MYO5B: variants seen among roughly 807,000 people sequenced by gnomAD.
The protein encoded by MYO5B is unconventional myosin-Vb.
A neutral mutation model predicts 229.3 loss-of-function variants in MYO5B; 143 were observed. The ratio of observed to expected loss-of-function variants is 0.62; its 90% CI spans 0.54 to 0.72. The LOEUF (loss-of-function observed/expected upper bound fraction) is 0.72. MYO5B is among the 30% of genes least tolerant of loss of function. The probability of loss-of-function intolerance (pLI) is 0.00; values close to 1 mark genes in which losing one functional copy is unlikely to be tolerated. For missense variants in MYO5B, 2,321 were observed against 2,331.0 expected (o/e 1.00, Z 0.09); for synonymous variants, 918 against 885.2 (o/e 1.04, Z -0.66).
intron 1 of MYO5B, among the ~76,000 whole-genome samples, chr18:50,133,989 A>G (rs947545363): frequency 2.6e-5 from 4 of 152,224 alleles, no homozygotes; most frequent in Non-Finnish European, 4.4e-5. Flanking sequence ...CAATGAAAAT[A>G]AAGGTTTTTT....
At chr18:49,973,420 G>C (rs1346266295) in intron 10 of MYO5B, among the ~76,000 whole-genome samples, 2 of 152,198 alleles carry the variant, frequency 1.3e-5, no homozygotes, top group Non-Finnish European at 2.9e-5. Flanking sequence ...CTGCTAAGCA[G>C]TTGTTCGCAC....
At chr18:49,927,725 A>C (rs1180345221) in intron 17 of MYO5B, among the ~76,000 whole-genome samples, 1 of 152,216 alleles carries the variant, frequency 6.6e-6, no homozygotes, top group Non-Finnish European at 1.5e-5. Context: ...CTCATCTCTT[A>C]CTCTCTACAA....
intron 1 of MYO5B, among the ~76,000 whole-genome samples, chr18:50,096,271 G>C (rs765234348): frequency 1.2e-4 from 18 of 152,142 alleles, no homozygotes; most frequent in Non-Finnish European, 1.8e-4. Context: ...GGGAAAACAA[G>C]GATTGTGTGC....
At position 49,826,290 on chromosome 18, in the gene MYO5B, A is replaced by T; in HGVS notation, c.*181T>A. 1 of 716,220 alleles carries T rather than the reference A, an allele frequency of 1.4e-6. No homozygotes were observed. Among genetic ancestry groups the T allele is most frequent in the Non-Finnish European group, 2.3e-6 (1 of 431,050 alleles). 44.4% of individuals were successfully genotyped at this position (716,220 alleles called of 1,614,324 possible). The stretch of plus-strand genomic sequence containing the variant: ...TTCAAGTGTTTTTATTCTGAGCAGT[A>T]GGTACAAAAAATAATGACATAGTTG... On this transcript the variant is annotated 3_prime_UTR_variant, in exon 40 of 40. Transcript: ENST00000285039.
chr18:49,945,351 C>T (rs2025359777), intron 14 of MYO5B, among the ~76,000 whole-genome samples: 1 of 152,196 alleles, frequency 6.6e-6, no homozygotes, highest in South Asian at 2.1e-4. Context: ...AAACCACCTT[C>T]ACCCACTGAC....
At chr18:50,040,392 C>T (rs1281092995) in intron 2 of MYO5B, 78 bp from the exon 3 acceptor site, 10 of 1,311,400 alleles carry the variant, frequency 7.6e-6, no homozygotes, top group Non-Finnish European at 1.1e-5. Flanking sequence ...GTCTTCTTAG[C>T]TGGAATCACC....
At chr18:49,862,740 G>A (rs1320164030) in intron 29 of MYO5B, among the ~76,000 whole-genome samples, 4 of 152,134 alleles carry the variant, frequency 2.6e-5, no homozygotes, top group African/African-American at 9.7e-5. Flanking sequence ...AGACGGTGGA[G>A]GTGAAATGCT....
intron 4 of MYO5B, among the ~76,000 whole-genome samples, chr18:50,027,111 C>T (rs1380374754): frequency 6.6e-6 from 1 of 152,196 alleles, no homozygotes; most frequent in Non-Finnish European, 1.5e-5. Context: ...ACAGCATGAA[C>T]GGCATTACTA....
At chr18:49,978,169 GC>G (rs1261186288) in intron 9 of MYO5B, among the ~76,000 whole-genome samples, 2 of 151,982 alleles carry the variant, frequency 1.3e-5, no homozygotes, top group Non-Finnish European at 2.9e-5. Flanking sequence ...CCTCCCTCCT[GC>G]CCCCTTTACC....
At chr18:50,163,750 C>CAA (rs1289882561) in intron 1 of MYO5B, among the ~76,000 whole-genome samples, 1 of 152,210 alleles carries the variant, frequency 6.6e-6, no homozygotes, top group African/African-American at 2.4e-5. Context: ...CAGACTTGTT[C>CAA]AAGCTGCACC....
chr18:49,912,827 T>C lies in MYO5B; in HGVS notation c.2091-654A>G, dbSNP rs529590210. ...AACAGTCTAATATATTGCCCAAGCA[T>C]GCAGTGCTCCACTCCTCAGAAGCAG... On this transcript the variant is annotated intron_variant, in intron 17 of 39. Transcript: ENST00000285039. 2.0e-4 allele frequency among the ~76,000 whole-genome samples: 31 copies of C among 152,386 alleles called. No homozygotes were observed. In the East Asian group the frequency reaches 5.2e-3, roughly 26 times the overall value.
At chr18:49,996,648 A>C (rs966134876) in intron 5 of MYO5B, among the ~76,000 whole-genome samples, 1 of 152,258 alleles carries the variant, frequency 6.6e-6, no homozygotes, top group Non-Finnish European at 1.5e-5. Context: ...ATTTCAATGT[A>C]ATTGATTGTA....
At chr18:49,883,195 A>C (rs1187414451) in intron 22 of MYO5B, among the ~76,000 whole-genome samples, 1 of 152,224 alleles carries the variant, frequency 6.6e-6, no homozygotes, top group East Asian at 1.9e-4. Flanking sequence ...ATAGGCAAGA[A>C]AGATAAAAGC....
At chr18:50,025,992 T>G (rs2144365436) in intron 4 of MYO5B, among the ~76,000 whole-genome samples, 1 of 152,356 alleles carries the variant, frequency 6.6e-6, no homozygotes, top group South Asian at 2.1e-4. Flanking sequence ...CATATACAAA[T>G]GATATTTTAA....
chr18:49,902,190 G>A (rs1050128384), intron 21 of MYO5B, among the ~76,000 whole-genome samples: 11 of 152,122 alleles, frequency 7.2e-5, no homozygotes, highest in African/African-American at 1.9e-4. Context: ...CCATGTCTTC[G>A]TCTTCTCTGG....
chr18:50,094,796 G>C (rs1481128596), intron 1 of MYO5B, among the ~76,000 whole-genome samples: 1 of 152,028 alleles, frequency 6.6e-6, no homozygotes, highest in Non-Finnish European at 1.5e-5. Flanking sequence ...CTGAAACCAG[G>C]ATCTATTGCC....
chr18:49,992,493 G>T, intron 5 of MYO5B, 62 bp from the exon 6 acceptor site: 2 of 1,610,740 alleles, frequency 1.2e-6, no homozygotes, highest in Non-Finnish European at 1.7e-6. Flanking sequence ...TTTCAGGATT[G>T]TATGTTTGTG....
intron 17 of MYO5B, among the ~76,000 whole-genome samples, chr18:49,927,092 T>G (rs1265127548): frequency 1.3e-5 from 2 of 152,176 alleles, no homozygotes; most frequent in African/African-American, 4.8e-5. Context: ...ATGATGGTGA[T>G]GGTAGCACAA....
At chr18:50,160,239 A>G (rs1041805188) in intron 1 of MYO5B, among the ~76,000 whole-genome samples, 1 of 152,186 alleles carries the variant, frequency 6.6e-6, no homozygotes, top group Non-Finnish European at 1.5e-5. Flanking sequence ...CGAAAACTCT[A>G]TGTGGGTGGC....
Sources: allele counts gnomAD v4.1 joint callset (sites outside exome capture counted in the v4.1 genomes callset), GRCh38; gene constraint gnomAD v4.1.1; transcripts MANE v1.5; gene names NCBI Gene and HGNC (gene_info 2026-07-23, HGNC 2026-07-21).